Variants in CGNL1 observed in about 807,000 individuals in gnomAD.
The protein encoded by CGNL1 is cingulin-like protein 1.
Under a neutral mutation model 141.2 loss-of-function variants are expected in CGNL1, and 132 were observed. That is an observed-to-expected ratio of 0.93 (90% CI 0.81 to 1.08). CGNL1 has a LOEUF of 1.08. Ranked by LOEUF, CGNL1 falls within the 50% of genes least tolerant of loss-of-function variation. CGNL1 has a pLI of 0.00. For missense variants in CGNL1, 1,870 were observed against 1,588.6 expected (o/e 1.18, Z -3.01); for synonymous variants, 690 against 622.1 (o/e 1.11, Z -1.63).
chr15:57,438,838 G>A lies in CGNL1; in HGVS notation c.839G>A (p.Arg280Gln), dbSNP rs2063143588. The change falls in exon 2 of 19, where the codon CGA becomes CAA. Residue 280 changes from arginine to glutamine, a missense_variant. Physicochemically the swap from Arg to Gln is conservative, Grantham distance 43. Coordinates refer to ENST00000281282, the MANE Select transcript of CGNL1 (RefSeq NM_032866.5). ...KTRPDVLPFRRQDSAGPVLDG... is the reference protein window; with the variant it reads ...KTRPDVLPFRQQDSAGPVLDG... ...AGGCCAGATGTTCTTCCCTTCCGGC[G>A]ACAGGATTCAGCGGGACCCGTCCTG... The A allele has an allele frequency of 1.2e-6, 2 of 1,614,134 alleles. No homozygotes were observed. The highest frequency in any genetic ancestry group is 2.2e-5 in the East Asian group (1 of 44,878).
At chr15:57,466,246 T>C (rs1335418324) in intron 8 of CGNL1, among the ~76,000 whole-genome samples, 2 of 152,200 alleles carry the variant, frequency 1.3e-5, no homozygotes, top group African/African-American at 4.8e-5. Flanking sequence ...TTTTTTAGTT[T>C]TAAAAAGGAA....
intron 8 of CGNL1, among the ~76,000 whole-genome samples, chr15:57,491,325 C>T (rs1215471414): frequency 6.6e-6 from 1 of 152,148 alleles, no homozygotes; most frequent in African/African-American, 2.4e-5. Context: ...TATTCTAACA[C>T]CCAGTTTGGT....
intron 13 of CGNL1, among the ~76,000 whole-genome samples, chr15:57,530,862 T>G (rs1049709761): frequency 5.3e-5 from 8 of 152,216 alleles, no homozygotes; most frequent in African/African-American, 1.7e-4. Flanking sequence ...GCAGAGACAA[T>G]ATTTATATAC....
intron 8 of CGNL1, among the ~76,000 whole-genome samples, chr15:57,470,256 C>CTCTTTTTTTTTTT (rs758575367): frequency 8.8e-6 from 1 of 113,996 alleles, no homozygotes; most frequent in African/African-American, 3.5e-5. Flanking sequence ...TTTTGTCTCT[C>CTCTTTTTTTTTTT]TTTTTTTTTT....
chr15:57,487,261 G>A (rs1357162709), intron 8 of CGNL1, among the ~76,000 whole-genome samples: 1 of 152,110 alleles, frequency 6.6e-6, no homozygotes, highest in East Asian at 1.9e-4. Flanking sequence ...TGGTAAATGA[G>A]TTGCAAAGAA....
chr15:57,470,240 C>T (rs1465362328), intron 8 of CGNL1, among the ~76,000 whole-genome samples: 4 of 123,700 alleles, frequency 3.2e-5, no homozygotes, highest in African/African-American at 6.8e-5. Flanking sequence ...AAAAAGATCT[C>T]TTTTTTTTTG....
intron 7 of CGNL1, among the ~76,000 whole-genome samples, chr15:57,456,813 A>G (rs1417754772): frequency 6.6e-6 from 1 of 152,186 alleles, no homozygotes; most frequent in Non-Finnish European, 1.5e-5. Flanking sequence ...TGCGGTGCTG[A>G]GAGATGGGCC....
chr15:57,481,877 A>G (rs2063730848), intron 8 of CGNL1, among the ~76,000 whole-genome samples: 1 of 152,210 alleles, frequency 6.6e-6, no homozygotes, highest in South Asian at 2.1e-4. Flanking sequence ...TGCATTCCCA[A>G]CAGCAATGTA....
chr15:57,480,050 G>A (rs1052798373), intron 8 of CGNL1, among the ~76,000 whole-genome samples: 1 of 152,234 alleles, frequency 6.6e-6, no homozygotes, highest in African/African-American at 2.4e-5. Context: ...GTGGCAGCAA[G>A]TGTTGGTTTT....
chr15:57,454,900 A>G (rs2063360616), intron 7 of CGNL1, among the ~76,000 whole-genome samples: 2 of 152,046 alleles, frequency 1.3e-5, no homozygotes, highest in African/African-American at 4.8e-5. Flanking sequence ...ACGAAAATTG[A>G]AAAAAGGGGG....
chr15:57,387,191 A>T (rs1201451825), intron 1 of CGNL1, among the ~76,000 whole-genome samples: 2 of 152,188 alleles, frequency 1.3e-5, no homozygotes, highest in Admixed American at 1.3e-4. Context: ...ATTTCATGCA[A>T]TAGATGGCCT....
chr15:57,464,864 C>T (rs1211713299), intron 8 of CGNL1, among the ~76,000 whole-genome samples: 1 of 151,964 alleles, frequency 6.6e-6, no homozygotes, highest in Non-Finnish European at 1.5e-5. Flanking sequence ...GTTCTCCTGC[C>T]TCAGCCTCCC....
intron 8 of CGNL1, among the ~76,000 whole-genome samples, chr15:57,507,930 A>T (rs2064125681): frequency 6.6e-6 from 1 of 152,176 alleles, no homozygotes; most frequent in Non-Finnish European, 1.5e-5. Flanking sequence ...TGCAGAGGGG[A>T]GAAAGTGAAG....
intron 1 of CGNL1, among the ~76,000 whole-genome samples, chr15:57,427,369 C>A (rs538544297): frequency 1.3e-5 from 2 of 152,162 alleles, no homozygotes; most frequent in Non-Finnish European, 2.9e-5. Context: ...TGGACAAATA[C>A]AGGTGCCTAT....
At chr15:57,454,460 G>T (rs1023168242) in intron 7 of CGNL1, among the ~76,000 whole-genome samples, 28 of 152,306 alleles carry the variant, frequency 1.8e-4, no homozygotes, top group African/African-American at 6.7e-4. Context: ...AGTCTCAGTT[G>T]TCTACTGTTC....
At chr15:57,538,635 G>C (rs2032395077) in intron 14 of CGNL1, among the ~76,000 whole-genome samples, 1 of 152,202 alleles carries the variant, frequency 6.6e-6, no homozygotes, top group African/African-American at 2.4e-5. Flanking sequence ...CATTGGCACT[G>C]AGGGTGCAAG....
At chr15:57,532,850 T>A (rs1232490545) in intron 14 of CGNL1, among the ~76,000 whole-genome samples, 1 of 152,230 alleles carries the variant, frequency 6.6e-6, no homozygotes, top group Non-Finnish European at 1.5e-5. Flanking sequence ...AATAGATTGT[T>A]ATTCATAACC....
At chr15:57,542,729 G>T (rs1328669260) in intron 14 of CGNL1, among the ~76,000 whole-genome samples, 1 of 152,224 alleles carries the variant, frequency 6.6e-6, no homozygotes, top group African/African-American at 2.4e-5. Context: ...ACAGGTGAAT[G>T]CTAGCTCCCC....
intron 16 of CGNL1, 35 bp from the exon 17 acceptor site, chr15:57,545,557 T>G (rs1357795896): frequency 2.5e-6 from 4 of 1,577,690 alleles, no homozygotes; most frequent in Non-Finnish European, 2.6e-6. Context: ...GGGATGGGAG[T>G]GAGAGGGTTC....
Sources: allele counts gnomAD v4.1 joint callset (sites outside exome capture counted in the v4.1 genomes callset), GRCh38; gene constraint gnomAD v4.1.1; transcripts MANE v1.5; gene names NCBI Gene and HGNC (gene_info 2026-07-23, HGNC 2026-07-21).